ZDHHC23: variants seen among roughly 807,000 people sequenced by gnomAD.
ZDHHC23 encodes zDHHC palmitoyltransferase 23, also known as palmitoyltransferase ZDHHC23.
Under a neutral mutation model 40.2 loss-of-function variants are expected in ZDHHC23, and 41 were observed. That is an observed-to-expected ratio of 1.02 (90% confidence interval 0.79 to 1.32). The LOEUF (loss-of-function observed/expected upper bound fraction) is 1.32. Among genes scored for constraint, ZDHHC23 ranks in the 40% most tolerant of loss-of-function variants. ZDHHC23 has a pLI of 0.00. For synonymous variants in ZDHHC23, 204 were observed against 210.2 expected (o/e 0.97, Z 0.26); for missense variants, 471 against 541.5 (o/e 0.87, Z 1.29).
At position 113,958,443 on chromosome 3, in the gene ZDHHC23, TC is replaced by T. The variant is rs773258274; in HGVS notation, c.1122del (p.Asn375ThrfsTer6). ...GMAYIFLIQL[I>X]NISYNVTERE... ...GCCTACATCTTCCTGATCCAGCTGA[TC>T]AACATCAGCTACAATGTGACTGAGC... is the stretch of plus-strand genomic sequence containing the variant. On this transcript the variant is annotated frameshift_variant, in exon 5 of 5. Coordinates refer to ENST00000638807, the MANE Select transcript of ZDHHC23 (RefSeq NM_001320466.2). LOFTEE classifies it high-confidence loss of function. 1 of 1,614,162 alleles carries T rather than the reference TC, an allele frequency of 6.2e-7. No homozygotes were observed. Among genetic ancestry groups the T allele is most frequent in the Non-Finnish European group, 8.5e-7 (1 of 1,180,018 alleles).
chr3:113,951,540 G>C (rs1938661247), intron 2 of ZDHHC23, among the ~76,000 whole-genome samples: 1 of 152,206 alleles, frequency 6.6e-6, no homozygotes, highest in African/African-American at 2.4e-5. Context: ...AGAGACTTCA[G>C]ATGGCACTCA....
In ZDHHC23 at chr3:113,948,922, T is replaced by C. The variant is rs1938394441; in HGVS notation, c.120T>C (p.Thr40=). The change falls in exon 2 of 5, where the codon ACT becomes ACC. Residue 40 remains threonine (T), a synonymous_variant. Coordinates refer to ENST00000638807, the MANE Select transcript of ZDHHC23 (RefSeq NM_001320466.2). Reference sequence around the variant, plus strand: ...ATGGGGAAAAGAACCACGTGGCTACTTGTTTGTGTGATTGTCAAGATCTGG... The same window carrying C: ...ATGGGGAAAAGAACCACGTGGCTACCTGTTTGTGTGATTGTCAAGATCTGG... ...DRNGEKNHVA[T]CLCDCQDLDE... The C allele has an allele frequency of 1.9e-6, 3 of 1,614,162 alleles. No homozygotes were observed. In the East Asian group the frequency reaches 6.7e-5, roughly 36 times the overall value.
At chr3:113,974,153 G>GA in the ZDHHC23 span, among the ~76,000 whole-genome samples, 4 of 151,780 alleles carry the variant, frequency 2.6e-5, no homozygotes, top group African/African-American at 9.7e-5. Flanking sequence ...AAATTTATCT[G>GA]AAAAATTTCT....
downstream of ZDHHC23, among the ~76,000 whole-genome samples, chr3:113,966,626 TGAAAC>T (rs1039334911): frequency 1.3e-4 from 20 of 152,108 alleles, 1 homozygote; most frequent in South Asian, 6.2e-4. Context: ...GTTACAGTGT[TGAAAC>T]GAAGTGCAGA....
rs565816748 is a variant in ZDHHC23 at position 113,948,382 on chromosome 3, C to T, written c.-118+192C>T. 2.8e-5 allele frequency: 5 copies of T among 175,820 alleles called. No individual in the cohort carries two copies. In the South Asian group the frequency reaches 6.7e-4, roughly 24 times the overall value. 10.9% of individuals were successfully genotyped at this position (175,820 alleles called of 1,614,324 possible). A position where few individuals can be genotyped will look rare whatever the true frequency, so the allele number is the denominator to read the frequency against. Reference sequence around the variant, plus strand: ...CTAGCGGGCATATGCTTCGCCTTTCCCTATAGCCCCGAGGCTGAGTTCCCA... The same window carrying T: ...CTAGCGGGCATATGCTTCGCCTTTCTCTATAGCCCCGAGGCTGAGTTCCCA... On this transcript the variant is annotated intron_variant, in intron 1 of 4. Coordinates refer to ENST00000638807, the MANE Select transcript of ZDHHC23 (RefSeq NM_001320466.2).
At chr3:113,948,651 C>T in intron 1 of ZDHHC23, 35 bp from the exon 2 acceptor site, 1 of 881,620 alleles carries the variant, frequency 1.1e-6, no homozygotes, top group Admixed American at 2.8e-5. Flanking sequence ...AACGGGACCC[C>T]CTCCCCCTCT....
At chr3:113,956,290 G>A in intron 3 of ZDHHC23, 49 bp from the exon 4 acceptor site, 1 of 1,563,318 alleles carries the variant, frequency 6.4e-7, no homozygotes, top group Non-Finnish European at 8.7e-7. Flanking sequence ...GTTATATCAA[G>A]AACTCTTAAA....
downstream of ZDHHC23, among the ~76,000 whole-genome samples, chr3:113,969,573 C>T (rs916438485): frequency 1.3e-5 from 2 of 152,188 alleles, no homozygotes; most frequent in African/African-American, 4.8e-5. Context: ...ATATAGTTCT[C>T]CTGTTTTTCC....
chr3:113,957,598 C>G (rs1577267456), intron 4 of ZDHHC23: 1 of 436,498 alleles, frequency 2.3e-6, no homozygotes, highest in East Asian at 6.9e-5. Flanking sequence ...AGGCGATTCA[C>G]AGCACCTCAT....
Position 113,948,816 on chromosome 3 carries a change from G to A in ZDHHC23, c.14G>A (p.Gly5Asp). ...CAGGTGCAAATCATGACACAGAAGG[G>A]CAGTATGAAGCCTGTGAAGAAAAAG... MTQKGSMKPVKKKKT... is the reference protein window; with the variant it reads MTQKDSMKPVKKKKT... Residue 5 changes from glycine to aspartate, a missense_variant, in exon 2 of 5, where the codon GGC becomes GAC. Transcript: ENST00000638807. The A allele has an allele frequency of 6.2e-7, 1 of 1,614,212 alleles. No homozygotes were observed. The highest frequency in any genetic ancestry group is 8.5e-7 in the Non-Finnish European group (1 of 1,180,038).
intron 3 of ZDHHC23, 63 bp from the exon 4 acceptor site, chr3:113,956,276 G>A: frequency 6.6e-7 from 1 of 1,516,752 alleles, no homozygotes; most frequent in Non-Finnish European, 9.0e-7. Flanking sequence ...TGTTTATTAT[G>A]TAAGTTATAT....
chr3:113,978,818 C>T, the ZDHHC23 span: 5 of 1,584,530 alleles, frequency 3.2e-6, no homozygotes, highest in Non-Finnish European at 4.3e-6. Flanking sequence ...TAGAATTGAG[C>T]AATGAGATGT....
Position 113,960,543 on chromosome 3 carries a change from A to G in ZDHHC23, c.*1913A>G. 7.0e-7 allele frequency: 1 copy of G among 1,434,624 alleles called. No individual in the cohort carries two copies. The highest frequency in any genetic ancestry group is 9.1e-7 in the Non-Finnish European group (1 of 1,101,432). The allele number at this position is 1,434,624 out of a possible 1,614,324, so 88.9% of individuals were successfully genotyped here. A position where few individuals can be genotyped will look rare whatever the true frequency, so the allele number is the denominator to read the frequency against. On this transcript the variant is annotated 3_prime_UTR_variant, in exon 5 of 5. Transcript: ENST00000638807. ...GCTGTAGAGCCAACTCTGATTATCT[A>G]GCCATTGATCATACAAATTGATAGA...
chr3:113,978,654 T>G, the ZDHHC23 span: 1 of 631,932 alleles, frequency 1.6e-6, no homozygotes, highest in Non-Finnish European at 2.7e-6. Context: ...ACACACTCCG[T>G]GAAACAAACA....
At chr3:113,956,671 G>A (rs1331644300) in intron 4 of ZDHHC23, among the ~76,000 whole-genome samples, 165 bp downstream of exon 4, 1 of 152,242 alleles carries the variant, frequency 6.6e-6, no homozygotes, top group Non-Finnish European at 1.5e-5. Flanking sequence ...CATTGGTGAT[G>A]TGTGTTTTTC....
Position 113,958,914 on chromosome 3 carries a change from T to G in ZDHHC23, c.*284T>G, listed in dbSNP as rs1480296048. The G allele has an allele frequency of 8.8e-6, 11 of 1,248,028 alleles. No homozygotes were observed. In the East Asian group the frequency reaches 5.4e-4, roughly 62 times the overall value. 77.3% of individuals were successfully genotyped at this position (1,248,028 alleles called of 1,614,324 possible). A position where few individuals can be genotyped will look rare whatever the true frequency, so the allele number is the denominator to read the frequency against. The stretch of plus-strand genomic sequence containing the variant: ...TGTGGATTGCTAATGCACAAATTGA[T>G]AGAAGCAATTCCCATCCATTAGTAT... On this transcript the variant is annotated 3_prime_UTR_variant, in exon 5 of 5. Transcript: ENST00000638807.
rs1577272494 is a variant in ZDHHC23, at chr3:113,958,874, T to C, written c.*244T>C. 2.3e-6 allele frequency: 3 copies of C among 1,320,754 alleles called. No homozygotes were observed. In the African/African-American group the frequency reaches 4.5e-5, roughly 20 times the overall value. 81.8% of individuals were successfully genotyped at this position (1,320,754 alleles called of 1,614,324 possible). ...CACCTTTTTAATTGACTCAGTTGCCTGAACTTGAGAAGGATGTGGATTGCT... is the reference window on the plus strand; with the variant it reads ...CACCTTTTTAATTGACTCAGTTGCCCGAACTTGAGAAGGATGTGGATTGCT... On this transcript the variant is annotated 3_prime_UTR_variant, in exon 5 of 5. Coordinates refer to ENST00000638807, the MANE Select transcript of ZDHHC23 (RefSeq NM_001320466.2).
the ZDHHC23 span, chr3:113,978,475 C>A: frequency 7.5e-6 from 6 of 798,656 alleles, no homozygotes; most frequent in Non-Finnish European, 1.2e-5. Flanking sequence ...AACCTGGAAG[C>A]CAAGAAAATA....
chr3:113,954,528 GAT>G, intron 3 of ZDHHC23, 118 bp downstream of exon 3: 1 of 971,164 alleles, frequency 1.0e-6, no homozygotes, highest in Non-Finnish European at 1.5e-6. Context: ...ACACCTTGTA[GAT>G]ATTTGTGGGT....
Sources: gnomAD v4.1 joint callset for allele counts (sites outside exome capture counted in the v4.1 genomes callset) on GRCh38, gnomAD v4.1.1 for gene constraint, MANE v1.5 for transcripts, NCBI Gene and HGNC (gene_info 2026-07-23, HGNC 2026-07-21) for gene names.